The following MYO1E variants were observed in gnomAD, a reference collection of about 807,000 sequenced individuals.
MYO1E encodes the protein unconventional myosin-Ie.
MYO1E carries 68 observed loss-of-function variants against 151.1 expected under a neutral mutation model. The observed-to-expected ratio is 0.45, with a 90% CI of 0.37 to 0.55. The LOEUF (loss-of-function observed/expected upper bound fraction) is 0.55, where lower values mean the gene tolerates loss of function less well. Among genes scored for constraint, MYO1E ranks in the 20% least tolerant of loss-of-function variants. The pLI is 0.00. For missense variants in MYO1E, 1,363 were observed against 1,389.3 expected (o/e 0.98, Z 0.30); for synonymous variants, 601 against 501.7 (o/e 1.20, Z -2.64).
At chr15:59,151,068 C>T (rs932282529) in intron 26 of MYO1E, among the ~76,000 whole-genome samples, 1 of 146,306 alleles carries the variant, frequency 6.8e-6, no homozygotes, top group Non-Finnish European at 1.5e-5. Context: ...CGCGCACGTG[C>T]ACTTAGAGAG....
At chr15:59,218,658 G>A (rs1245141429) in intron 9 of MYO1E, among the ~76,000 whole-genome samples, 2 of 152,194 alleles carry the variant, frequency 1.3e-5, no homozygotes, top group Non-Finnish European at 2.9e-5. Flanking sequence ...CAATCTAGAT[G>A]AGGCAAAAAT....
intron 9 of MYO1E, among the ~76,000 whole-genome samples, chr15:59,219,071 G>C (rs1195675196): frequency 4.6e-5 from 7 of 152,190 alleles, no homozygotes; most frequent in Admixed American, 2.6e-4. Flanking sequence ...GTAGCATATG[G>C]AGTGAAATGA....
intron 27 of MYO1E, 59 bp downstream of exon 27, chr15:59,138,139 C>T: frequency 6.3e-7 from 1 of 1,581,954 alleles, no homozygotes. Flanking sequence ...CTAGATCTTA[C>T]AGCAATGTGA....
At chr15:59,185,969 T>C (rs1308740925) in intron 18 of MYO1E, among the ~76,000 whole-genome samples, 3 of 152,246 alleles carry the variant, frequency 2.0e-5, no homozygotes, top group African/African-American at 7.2e-5. Context: ...AAACCTTTTC[T>C]GAGCTAGTGT....
At chr15:59,358,603 A>G (rs187708105) in intron 1 of MYO1E, among the ~76,000 whole-genome samples, 8 of 152,370 alleles carry the variant, frequency 5.3e-5, no homozygotes, top group Admixed American at 4.6e-4. Context: ...ATTAAGGCCC[A>G]GCAATTTCTT....
chr15:59,178,281 A>G, intron 19 of MYO1E, 112 bp downstream of exon 19: 2 of 1,368,090 alleles, frequency 1.5e-6, no homozygotes, highest in East Asian at 2.3e-5. Context: ...TGAGGAGACA[A>G]CATTGATGGC....
At position 59,136,951 on chromosome 15, in the gene MYO1E, T is replaced by TATCA. The variant is rs2079376920; in HGVS notation, c.*425_*428dup. Reference sequence around the variant, plus strand: ...GGAAGGTGGCAGAGAGGAATGTGTCTATCAGGTATGGACAAGAGAGATGAA... The same window carrying TATCA: ...GGAAGGTGGCAGAGAGGAATGTGTCTATCAATCAGGTATGGACAAGAGAGATGAA... On this transcript the variant is annotated 3_prime_UTR_variant, in exon 28 of 28. Coordinates refer to ENST00000288235, the MANE Select transcript of MYO1E (RefSeq NM_004998.4). 2.8e-6 allele frequency: 1 copy of TATCA among 359,718 alleles called. No individual in the cohort carries two copies. The highest frequency in any genetic ancestry group is 5.5e-6 in the Non-Finnish European group (1 of 181,688). The allele number at this position is 359,718 out of a possible 1,614,324, so 22.3% of individuals were successfully genotyped here. A position where few individuals can be genotyped will look rare whatever the true frequency, so the allele number is the denominator to read the frequency against.
intron 18 of MYO1E, among the ~76,000 whole-genome samples, chr15:59,178,947 C>T (rs1348637755): frequency 1.3e-5 from 2 of 152,228 alleles, no homozygotes; most frequent in African/African-American, 4.8e-5. Context: ...TTATAAAGCT[C>T]CTGCTAAACA....
At chr15:59,138,082 C>T (rs1399616590) in intron 27 of MYO1E, 116 bp downstream of exon 27, 2 of 1,303,910 alleles carry the variant, frequency 1.5e-6, no homozygotes, top group Non-Finnish European at 2.2e-6. Flanking sequence ...TGACCTGCCT[C>T]TACAAATTGC....
chr15:59,228,263 C>A (rs993308935), intron 6 of MYO1E, among the ~76,000 whole-genome samples: 1 of 152,094 alleles, frequency 6.6e-6, no homozygotes, highest in African/African-American at 2.4e-5. Flanking sequence ...AGGTGGATCA[C>A]TGGAGGTCAG....
chr15:59,256,380 T>G lies in MYO1E; in HGVS notation c.238-2A>C. 1 of 1,554,042 alleles carries G rather than the reference T, an allele frequency of 6.4e-7. No individual in the cohort carries two copies. The highest frequency in any genetic ancestry group is 8.8e-7 in the Non-Finnish European group (1 of 1,134,108). ...ATGTGGTGGGTTTTCATACTGTGCC[T>G]AGAAAAGCAAAAAATAATAATACAT... On this transcript the variant is annotated splice_acceptor_variant, in intron 3 of 27. Transcript: ENST00000288235. LOFTEE classifies it high-confidence loss of function.
At chr15:59,317,670 AC>A (rs1219762272) in intron 1 of MYO1E, among the ~76,000 whole-genome samples, 1 of 152,178 alleles carries the variant, frequency 6.6e-6, no homozygotes, top group African/African-American at 2.4e-5. Flanking sequence ...GGAACAGTAA[AC>A]CCTGTGTAAG....
At chr15:59,158,530 T>C in intron 24 of MYO1E, 151 bp from the exon 25 acceptor site, 1 of 688,858 alleles carries the variant, frequency 1.5e-6, no homozygotes, top group Admixed American at 2.1e-5. Context: ...AAGGAGCCGT[T>C]GAGGGAAGTA....
intron 1 of MYO1E, among the ~76,000 whole-genome samples, chr15:59,293,010 A>C (rs1450487099): frequency 6.6e-6 from 1 of 152,170 alleles, no homozygotes; most frequent in Non-Finnish European, 1.5e-5. Context: ...GGGCTGGGGA[A>C]GCCACTTTTC....
chr15:59,351,786 G>C (rs2080824838), intron 1 of MYO1E, among the ~76,000 whole-genome samples: 1 of 152,178 alleles, frequency 6.6e-6, no homozygotes, highest in South Asian at 2.1e-4. Flanking sequence ...AACAGACAAA[G>C]ACACTACTGT....
intron 18 of MYO1E, among the ~76,000 whole-genome samples, chr15:59,182,212 T>A (rs913850633): frequency 2.6e-5 from 4 of 152,176 alleles, no homozygotes; most frequent in East Asian, 1.9e-4. Flanking sequence ...AGTATTCTTT[T>A]TTTTTATTTT....
At chr15:59,195,313 A>C in intron 17 of MYO1E, 148 bp downstream of exon 17, 2 of 741,036 alleles carry the variant, frequency 2.7e-6, no homozygotes, top group East Asian at 5.3e-5. Flanking sequence ...AACAGTATAC[A>C]GCTTTTGTCC....
chr15:59,257,104 T>G (rs2140371159), intron 3 of MYO1E, among the ~76,000 whole-genome samples: 1 of 152,366 alleles, frequency 6.6e-6, no homozygotes, highest in African/African-American at 2.4e-5. Flanking sequence ...TAATAAATTA[T>G]CAGGCTGACT....
chr15:59,208,435 T>C (rs1221607775), intron 14 of MYO1E: 1 of 597,592 alleles, frequency 1.7e-6, no homozygotes, highest in Admixed American at 3.0e-5. Flanking sequence ...TTCTTGCTGG[T>C]TTATACCTAT....
Sources: gnomAD v4.1 joint callset for allele counts (sites outside exome capture counted in the v4.1 genomes callset) on GRCh38, gnomAD v4.1.1 for gene constraint, MANE v1.5 for transcripts, NCBI Gene and HGNC (gene_info 2026-07-23, HGNC 2026-07-21) for gene names.